ZRANB3: variants seen among roughly 807,000 people sequenced by gnomAD.
ZRANB3 encodes DNA annealing helicase and endonuclease ZRANB3.
Under a neutral mutation model 133.8 loss-of-function variants are expected in ZRANB3, and 125 were observed. The observed-to-expected ratio is 0.93, with a 90% CI of 0.81 to 1.08. The LOEUF (loss-of-function observed/expected upper bound fraction) is 1.08, where lower values mean the gene tolerates loss of function less well. Ranked by LOEUF, ZRANB3 falls within the 50% of genes least tolerant of loss-of-function variation. The probability of loss-of-function intolerance (pLI) is 0.00; values close to 1 mark genes in which losing one functional copy is unlikely to be tolerated. For synonymous variants in ZRANB3, 387 were observed against 432.7 expected (o/e 0.89, Z 1.31); for missense variants, 1,229 against 1,275.5 (o/e 0.96, Z 0.56).
chr2:135,348,509 C>CTGT (rs1685049718), intron 5 of ZRANB3, among the ~76,000 whole-genome samples: 1 of 152,064 alleles, frequency 6.6e-6, no homozygotes. Context: ...CACTGTTGTA[C>CTGT]TGTTAATGTT....
chr2:135,225,807 A>G (rs1694737908), intron 14 of ZRANB3, among the ~76,000 whole-genome samples: 1 of 152,240 alleles, frequency 6.6e-6, no homozygotes, highest in Non-Finnish European at 1.5e-5. Context: ...CACTGGAGGA[A>G]TAACCAAAAT....
At chr2:135,205,887 A>G (rs561108957) in intron 19 of ZRANB3, among the ~76,000 whole-genome samples, 2 of 152,302 alleles carry the variant, frequency 1.3e-5, no homozygotes, top group Admixed American at 6.5e-5. Flanking sequence ...TTGTCTTTCA[A>G]TATTAACATG....
intron 2 of ZRANB3, among the ~76,000 whole-genome samples, chr2:135,484,755 A>G (rs934022557): frequency 2.0e-5 from 3 of 151,148 alleles, no homozygotes; most frequent in Non-Finnish European, 2.9e-5. Context: ...AATATTTTAA[A>G]TATTACAGTG....
intron 10 of ZRANB3, among the ~76,000 whole-genome samples, chr2:135,270,606 A>G (rs1225637763): frequency 7.2e-5 from 11 of 152,224 alleles, no homozygotes. Flanking sequence ...TGGCTGGAAC[A>G]GTCTAACAGA....
chr2:135,330,819 T>A (rs140323570), intron 6 of ZRANB3, among the ~76,000 whole-genome samples: 3,901 of 152,270 alleles, frequency 0.026, 88 homozygotes, highest in Middle Eastern at 0.17. Flanking sequence ...TCTTCTAGAT[T>A]TTCTAGTTTA....
intron 1 of ZRANB3, among the ~76,000 whole-genome samples, chr2:135,523,965 T>G (rs1015495218): frequency 3.9e-5 from 6 of 152,200 alleles, no homozygotes; most frequent in African/African-American, 1.4e-4. Context: ...AGATAAGCAT[T>G]TAGAAGTTAT....
intron 6 of ZRANB3, among the ~76,000 whole-genome samples, chr2:135,341,869 A>G (rs1456985445): frequency 6.7e-6 from 1 of 150,012 alleles, no homozygotes; most frequent in Non-Finnish European, 1.5e-5. Flanking sequence ...GGCAAATTCT[A>G]GTCAGACTGG....
chr2:135,473,465 A>G (rs893051722), intron 2 of ZRANB3, among the ~76,000 whole-genome samples: 1 of 152,140 alleles, frequency 6.6e-6, no homozygotes, highest in Non-Finnish European at 1.5e-5. Context: ...ATAATGCTTT[A>G]TAAGTACTAA....
intron 1 of ZRANB3, among the ~76,000 whole-genome samples, chr2:135,518,176 G>A (rs1693778767): frequency 6.6e-6 from 1 of 152,128 alleles, no homozygotes; most frequent in South Asian, 2.1e-4. Context: ...CAAGCCAGTG[G>A]ATCTACTTAG....
chr2:135,323,865 C>G (rs1305799601), intron 6 of ZRANB3, among the ~76,000 whole-genome samples: 1 of 151,732 alleles, frequency 6.6e-6, no homozygotes, highest in African/African-American at 2.4e-5. Flanking sequence ...CCTCCTGGGT[C>G]CAAGTGATTC....
At chr2:135,466,591 C>T (rs576418563) in intron 2 of ZRANB3, among the ~76,000 whole-genome samples, 1 of 151,832 alleles carries the variant, frequency 6.6e-6, no homozygotes, top group East Asian at 1.9e-4. Context: ...AATCACTCAA[C>T]TTTGATGGGT....
chr2:135,497,817 C>T (rs1173069367), intron 2 of ZRANB3, among the ~76,000 whole-genome samples: 1 of 152,040 alleles, frequency 6.6e-6, no homozygotes, highest in African/African-American at 2.4e-5. Context: ...CTTTGGGAGG[C>T]CAAGGCGGAC....
chr2:135,238,528 T>C (rs1178353286), intron 12 of ZRANB3, among the ~76,000 whole-genome samples: 2 of 151,914 alleles, frequency 1.3e-5, no homozygotes, highest in Non-Finnish European at 2.9e-5. Flanking sequence ...CACGCCCAGC[T>C]AATTTTTGTA....
intron 2 of ZRANB3, among the ~76,000 whole-genome samples, chr2:135,442,651 A>G (rs1321541744): frequency 6.6e-6 from 1 of 152,208 alleles, no homozygotes; most frequent in African/African-American, 2.4e-5. Context: ...TTCCTCAAGG[A>G]TCTAGAACTA....
At chr2:135,430,277 T>A (rs1182791907) in intron 2 of ZRANB3, among the ~76,000 whole-genome samples, 1 of 152,170 alleles carries the variant, frequency 6.6e-6, no homozygotes, top group Non-Finnish European at 1.5e-5. Context: ...GAGCCATAGT[T>A]TTTCTTAATG....
At chr2:135,323,581 G>A (rs1328084460) in intron 6 of ZRANB3, among the ~76,000 whole-genome samples, 1 of 152,122 alleles carries the variant, frequency 6.6e-6, no homozygotes, top group Non-Finnish European at 1.5e-5. Flanking sequence ...ATCATGAAAA[G>A]AGTAGAATGT....
intron 5 of ZRANB3, among the ~76,000 whole-genome samples, chr2:135,345,869 G>A (rs1684897537): frequency 6.6e-6 from 1 of 151,948 alleles, no homozygotes; most frequent in South Asian, 2.1e-4. Flanking sequence ...TTCACATAAG[G>A]AGGATCATAT....
At chr2:135,291,501 G>A (rs1681729015) in intron 8 of ZRANB3, among the ~76,000 whole-genome samples, 2 of 151,708 alleles carry the variant, frequency 1.3e-5, no homozygotes, top group African/African-American at 4.8e-5. Context: ...TTATTCTTAG[G>A]TTTGGTTGTT....
At chr2:135,472,893 G>A (rs1008867418) in intron 2 of ZRANB3, among the ~76,000 whole-genome samples, 9 of 152,140 alleles carry the variant, frequency 5.9e-5, no homozygotes, top group African/African-American at 1.4e-4. Flanking sequence ...TTTATACATC[G>A]TAGGGTTGTA....
Sources: allele counts gnomAD v4.1 joint callset (sites outside exome capture counted in the v4.1 genomes callset), GRCh38; gene constraint gnomAD v4.1.1; transcripts MANE v1.5; gene names NCBI Gene and HGNC (gene_info 2026-07-23, HGNC 2026-07-21).